The following BAZ2B variants were observed in gnomAD, a reference collection of about 807,000 sequenced individuals.
BAZ2B encodes bromodomain adjacent to zinc finger domain 2B.
Under a neutral mutation model 246.0 loss-of-function variants are expected in BAZ2B, and 91 were observed. The observed-to-expected ratio is 0.37, with a 90% CI of 0.31 to 0.44. The LOEUF (loss-of-function observed/expected upper bound fraction) is 0.44. Among genes scored for constraint, BAZ2B ranks in the 20% least tolerant of loss-of-function variants. The probability of loss-of-function intolerance (pLI) is 1.00; values close to 1 mark genes in which losing one functional copy is unlikely to be tolerated. For synonymous variants in BAZ2B, 855 were observed against 860.0 expected, an observed-to-expected ratio of 0.99 and a Z score of 0.10; for missense variants, 2,332 against 2,533.7, an observed-to-expected ratio of 0.92 and a Z score of 1.71.
the BAZ2B span, among the ~76,000 whole-genome samples, chr2:159,625,245 G>A: frequency 6.6e-6 from 1 of 152,132 alleles, no homozygotes; most frequent in Admixed American, 6.5e-5. Flanking sequence ...AACCAAGTTG[G>A]AAAACACTCC....
chr2:159,602,156 C>A (rs775493019), intron 1 of BAZ2B, among the ~76,000 whole-genome samples: 7 of 152,014 alleles, frequency 4.6e-5, no homozygotes, highest in Non-Finnish European at 7.4e-5. Flanking sequence ...GCAAGATAAA[C>A]CTAGGAGCCA....
chr2:159,574,315 A>C (rs1684765183), intron 1 of BAZ2B, among the ~76,000 whole-genome samples: 1 of 151,348 alleles, frequency 6.6e-6, no homozygotes, highest in Non-Finnish European at 1.5e-5. Flanking sequence ...ATGGCACTTC[A>C]CACTCACTAG....
intron 11 of BAZ2B, 151 bp from the exon 12 acceptor site, chr2:159,428,570 C>T (rs2070436790): frequency 2.0e-6 from 1 of 502,572 alleles, no homozygotes; most frequent in Non-Finnish European, 3.5e-6. Flanking sequence ...CATTAACTCT[C>T]AAAATTATTT....
At chr2:159,611,862 C>A (rs949891613) in intron 1 of BAZ2B, among the ~76,000 whole-genome samples, 6 of 151,788 alleles carry the variant, frequency 4.0e-5, no homozygotes, top group Admixed American at 1.3e-4. Flanking sequence ...GGGATTATCA[C>A]TTTTCATTCT....
At chr2:159,696,386 C>T in the BAZ2B span, among the ~76,000 whole-genome samples, 1 of 151,980 alleles carries the variant, frequency 6.6e-6, no homozygotes, top group Non-Finnish European at 1.5e-5. Flanking sequence ...AAATTTTTCC[C>T]TTCTATATTT....
intron 25 of BAZ2B, among the ~76,000 whole-genome samples, chr2:159,381,606 A>G (rs773250850): frequency 6.6e-6 from 1 of 152,152 alleles, no homozygotes; most frequent in Non-Finnish European, 1.5e-5. Context: ...AAACCATTGC[A>G]GTATCTCCTG....
At chr2:159,472,356 T>A (rs2077910469) in intron 3 of BAZ2B, among the ~76,000 whole-genome samples, 1 of 152,240 alleles carries the variant, frequency 6.6e-6, no homozygotes, top group Non-Finnish European at 1.5e-5. Flanking sequence ...GATTTTGGGC[T>A]GAGATGATAT....
upstream of BAZ2B, among the ~76,000 whole-genome samples, chr2:159,620,760 G>C (rs1696399856): frequency 6.6e-6 from 1 of 152,114 alleles, no homozygotes; most frequent in African/African-American, 2.4e-5. Context: ...AGGAATGATA[G>C]GGATGTCATG....
intron 2 of BAZ2B, among the ~76,000 whole-genome samples, chr2:159,503,337 G>A (rs2151124330): frequency 6.6e-6 from 1 of 152,114 alleles, no homozygotes; most frequent in African/African-American, 2.4e-5. Context: ...GTCTCCTCCT[G>A]CATCCATGCT....
Position 159,349,298 on chromosome 2 carries a change from T to A in BAZ2B, c.4864-18A>T, listed in dbSNP as rs1348282229. 2 of 1,567,976 alleles carry A rather than the reference T, an allele frequency of 1.3e-6. No homozygotes were observed. Among genetic ancestry groups the A allele is most frequent in the South Asian group, 2.4e-5 (2 of 83,352 alleles). ...CCTTTCACCTGCAAAAAGAAAACAT[T>A]TATTAATGAAAAGTAGATTACTCTA... On this transcript the variant is annotated intron_variant, in intron 28 of 36. Transcript: ENST00000392783.
At chr2:159,550,846 A>AT (rs973808622) in intron 2 of BAZ2B, among the ~76,000 whole-genome samples, 1 of 151,694 alleles carries the variant, frequency 6.6e-6, no homozygotes, top group Non-Finnish European at 1.5e-5. Context: ...AGAAAAAAAA[A>AT]TTTTTTTGAG....
intron 4 of BAZ2B, 66 bp from the exon 5 acceptor site, chr2:159,448,475 G>T: frequency 1.4e-6 from 2 of 1,475,696 alleles, no homozygotes; most frequent in Non-Finnish European, 1.8e-6. Context: ...CGTCACAATG[G>T]CTTTCTATGT....
intron 2 of BAZ2B, among the ~76,000 whole-genome samples, chr2:159,530,446 T>G (rs944934169): frequency 6.6e-6 from 1 of 152,192 alleles, no homozygotes; most frequent in African/African-American, 2.4e-5. Flanking sequence ...TCTCAGTATA[T>G]CTATAAATAA....
At chr2:159,564,085 A>G (rs759446201) in intron 1 of BAZ2B, among the ~76,000 whole-genome samples, 7 of 152,226 alleles carry the variant, frequency 4.6e-5, no homozygotes, top group Non-Finnish European at 1.0e-4. Context: ...TCCTTCTTAT[A>G]GTGATAAGTA....
chr2:159,566,927 T>A (rs1220691240), intron 1 of BAZ2B, among the ~76,000 whole-genome samples: 1 of 151,636 alleles, frequency 6.6e-6, no homozygotes. Flanking sequence ...TAAGATGAGG[T>A]TAAAGATAAG....
intron 2 of BAZ2B, among the ~76,000 whole-genome samples, chr2:159,535,613 C>G (rs1441151251): frequency 1.3e-5 from 2 of 152,108 alleles, no homozygotes; most frequent in Non-Finnish European, 2.9e-5. Flanking sequence ...AGCTCATTAT[C>G]AGTATGTAAA....
At chr2:159,495,956 A>G (rs1017699202) in intron 2 of BAZ2B, among the ~76,000 whole-genome samples, 4 of 151,382 alleles carry the variant, frequency 2.6e-5, no homozygotes, top group Non-Finnish European at 5.9e-5. Flanking sequence ...TATTTTAGTA[A>G]AGATGGGGTT....
chr2:159,590,231 A>AC (rs1689043894), intron 1 of BAZ2B, among the ~76,000 whole-genome samples: 1 of 97,996 alleles, frequency 1.0e-5, no homozygotes, highest in African/African-American at 3.8e-5. Context: ...AAAAAAAAAA[A>AC]CAACCCAGCA....
intron 1 of BAZ2B, among the ~76,000 whole-genome samples, chr2:159,586,306 T>C (rs963247238): frequency 4.6e-5 from 7 of 152,176 alleles, no homozygotes; most frequent in Non-Finnish European, 1.0e-4. Context: ...CTGTTTTATT[T>C]TGTGACCCAA....
Sources: allele counts gnomAD v4.1 joint callset (sites outside exome capture counted in the v4.1 genomes callset), GRCh38; gene constraint gnomAD v4.1.1; transcripts MANE v1.5; gene names NCBI Gene and HGNC (gene_info 2026-07-23, HGNC 2026-07-21).